Variants in SELENON observed in about 807,000 individuals in gnomAD.
SELENON encodes selenoprotein N, 1.
A neutral mutation model predicts 59.5 loss-of-function variants in SELENON; 44 were observed. That is an observed-to-expected ratio of 0.74 (90% CI 0.58 to 0.95). SELENON has a LOEUF of 0.95. Among genes scored for constraint, SELENON ranks in the 40% least tolerant of loss-of-function variants. SELENON has a pLI of 0.00. For synonymous variants in SELENON, 320 were observed against 305.6 expected (o/e 1.05, Z -0.49); for missense variants, 674 against 721.4 (o/e 0.93, Z 0.75).
chr1:25,805,384 G>A, intron 4 of SELENON, 109 bp downstream of exon 3: 1 of 1,478,692 alleles, frequency 6.8e-7, no homozygotes, highest in Non-Finnish European at 9.4e-7. Context: ...CTAGAGCCAG[G>A]CCCTGGAGGT....
chr1:25,801,284 A>C, intron 2 of SELENON, 124 bp downstream of exon 2: 1 of 776,338 alleles, frequency 1.3e-6, no homozygotes. Context: ...GACTCCTCCC[A>C]GCTCTGACAC....
chr1:25,812,477 A>ACG, intron 9 of SELENON, among the ~76,000 whole-genome samples: 1 of 144,418 alleles, frequency 6.9e-6, no homozygotes, highest in Non-Finnish European at 1.5e-5. Flanking sequence ...ACACACATAC[A>ACG]CACATATACA....
chr1:25,810,868 A>G, intron 7 of SELENON, among the ~76,000 whole-genome samples: 1 of 152,074 alleles, frequency 6.6e-6, no homozygotes, highest in Non-Finnish European at 1.5e-5. Context: ...GGACAGGAGG[A>G]GAGAGGCAGT....
rs1187819725 is a variant in SELENON at position 25,812,628 on chromosome 1, C to T, written c.1282-59C>T. ...ACACTTGCACACACTACAGACTCAGCCCGAGTGGGACCCTGGCCGCTTTGA... is the reference window on the plus strand; with the variant it reads ...ACACTTGCACACACTACAGACTCAGTCCGAGTGGGACCCTGGCCGCTTTGA... On this transcript the variant is annotated intron_variant, in intron 9 of 12. Transcript: ENST00000361547. The T allele has an allele frequency of 3.8e-6, 5 of 1,300,634 alleles. No homozygotes were observed. In the East Asian group the frequency reaches 9.9e-5, roughly 26 times the overall value. 80.6% of individuals were successfully genotyped at this position (1,300,634 alleles called of 1,614,324 possible).
At position 25,800,270 on chromosome 1, in the gene SELENON, C is replaced by T. The variant is rs1301449723; in HGVS notation, c.40C>T (p.Pro14Ser). Residue 14 changes from proline (P) to serine (S), a missense_variant, in exon 1 of 13, where the codon CCC (proline) becomes TCC (serine). Coordinates refer to ENST00000361547, the MANE Select transcript of SELENON (RefSeq NM_020451.3). ...GCCGGGCCAACGCGGGCCGCCCAGC[C>T]CCGGCCCCGCCGCGCAGCCTCCCGC... The T allele has an allele frequency of 1.0e-6, 1 of 965,654 alleles. No individual in the cohort carries two copies. The highest frequency in any genetic ancestry group is 6.1e-5 in the Admixed American group (1 of 16,290). 59.8% of individuals were successfully genotyped at this position (965,654 alleles called of 1,614,324 possible). A position where few individuals can be genotyped will look rare whatever the true frequency, so the allele number is the denominator to read the frequency against.
intron 7 of SELENON, among the ~76,000 whole-genome samples, chr1:25,810,912 T>C (rs1189134159): frequency 1.3e-5 from 2 of 152,208 alleles, no homozygotes; most frequent in Non-Finnish European, 2.9e-5. Context: ...CCTGGGCTCA[T>C]GTCTGAGGAC....
At chr1:25,812,030 T>C in intron 9 of SELENON, 151 bp downstream of exon 8, 3 of 833,230 alleles carry the variant, frequency 3.6e-6, no homozygotes, top group Admixed American at 4.5e-5. Flanking sequence ...CAGCGGGGCC[T>C]CCCCGCTGCC....
Position 25,813,990 on chromosome 1 carries a change from G to T in SELENON, c.1497G>T (p.Leu499=). ...CCCTGGTGAAGGAGCTGGAGGAACT[G>T]CAGGTGAGCGGGCAGGTGGCAGGAA... The change falls in exon 11 of 13, where the codon CTG becomes CTT. Residue 499 remains leucine (L), a synonymous_variant. Transcript: ENST00000361547. The T allele has an allele frequency of 6.2e-7, 1 of 1,613,888 alleles. No individual in the cohort carries two copies. Among genetic ancestry groups the T allele is most frequent in the Non-Finnish European group, 8.5e-7 (1 of 1,179,724 alleles).
intron 1 of SELENON, 59 bp from the exon 2 acceptor site, chr1:25,800,984 T>TGGGGACCA: frequency 2.2e-6 from 3 of 1,383,826 alleles, no homozygotes; most frequent in Middle Eastern, 1.8e-4. Flanking sequence ...AACTGCCTGT[T>TGGGGACCA]GGGGACCAGG....
At chr1:25,813,740 C>T (rs1309171283) in intron 10 of SELENON, 141 bp from the exon 10 acceptor site, 1 of 723,362 alleles carries the variant, frequency 1.4e-6, no homozygotes, top group Non-Finnish European at 2.6e-6. Context: ...ATTTATTCAG[C>T]ACCTACTCTA....
intron 6 of SELENON, 112 bp from the exon 6 acceptor site, chr1:25,809,571 C>A: frequency 6.7e-7 from 1 of 1,488,634 alleles, no homozygotes; most frequent in Non-Finnish European, 9.3e-7. Flanking sequence ...ACTGGCCCAT[C>A]CACCTCCACC....
intron 3 of SELENON, among the ~76,000 whole-genome samples, chr1:25,803,818 C>T (rs1196431821): frequency 6.6e-6 from 1 of 151,974 alleles, no homozygotes; most frequent in African/African-American, 2.4e-5. Context: ...CTGTCTCAGC[C>T]TCCAGAGTAG....
At position 25,808,792 on chromosome 1, in the gene SELENON, G is replaced by C. The variant is rs1323334632; in HGVS notation, c.747+3G>C. 6.2e-7 allele frequency: 1 copy of C among 1,613,616 alleles called. No homozygotes were observed. The highest frequency in any genetic ancestry group is 1.1e-5 in the South Asian group (1 of 91,086). ...CACCGCCGCCCAAGGGCAAGGAGGTGAGGACAGCTGGGGTGCGACGTGGGG... is the reference window on the plus strand; with the variant it reads ...CACCGCCGCCCAAGGGCAAGGAGGTCAGGACAGCTGGGGTGCGACGTGGGG... On this transcript the variant is annotated splice_donor_region_variant and intron_variant, in intron 5 of 12. Coordinates refer to ENST00000361547, the MANE Select transcript of SELENON (RefSeq NM_020451.3).
intron 8 of SELENON, 49 bp downstream of exon 7, chr1:25,811,584 C>T (rs747560490): frequency 1.3e-5 from 21 of 1,600,630 alleles, no homozygotes; most frequent in African/African-American, 9.4e-5. Flanking sequence ...TGCAGGGCCC[C>T]GCCCTCCCTC....
At chr1:25,814,206 G>A (rs756551752) in intron 12 of SELENON, 28 bp downstream of exon 11, 5 of 1,599,092 alleles carry the variant, frequency 3.1e-6, no homozygotes, top group Admixed American at 1.7e-5. Flanking sequence ...GACCCCACAG[G>A]GCCCAGGCAC....
rs201582677 is a variant in SELENON at position 25,812,462 on chromosome 1, TAC to T, written c.1282-215_1282-214del. Among the ~76,000 whole-genome samples the T allele has an allele frequency of 0.73, 107,068 of 146,840 alleles. 39,668 individuals are homozygous for T. The highest frequency in any genetic ancestry group is 0.97 in the East Asian group (4,978 of 5,156). ...ACAAACACACACACTAACATATATATACACACACACATACACACATATACAAA... is the reference window on the plus strand; with the variant it reads ...ACAAACACACACACTAACATATATATACACACACATACACACATATACAAA... On this transcript the variant is annotated intron_variant, in intron 9 of 12. Coordinates refer to ENST00000361547, the MANE Select transcript of SELENON (RefSeq NM_020451.3).
chr1:25,800,606 G>T (rs2047852795), intron 1 of SELENON, among the ~76,000 whole-genome samples, 193 bp downstream of exon 1: 1 of 151,580 alleles, frequency 6.6e-6, no homozygotes, highest in Non-Finnish European at 1.5e-5. Context: ...CTGATGGGGG[G>T]AAGGCGAACG....
chr1:25,813,377 A>G (rs997649956), intron 10 of SELENON, among the ~76,000 whole-genome samples: 1 of 152,194 alleles, frequency 6.6e-6, no homozygotes, highest in Non-Finnish European at 1.5e-5. Context: ...CCCTGCCCTC[A>G]AAGGGGGAGA....
intron 1 of SELENON, 115 bp from the exon 2 acceptor site, chr1:25,800,927 TG>T: frequency 1.2e-6 from 1 of 860,184 alleles, no homozygotes; most frequent in Non-Finnish European, 2.0e-6. Context: ...CGGGAGGCAC[TG>T]GGAGAGCTCA....
Sources: gnomAD v4.1 joint callset for allele counts (sites outside exome capture counted in the v4.1 genomes callset) on GRCh38, gnomAD v4.1.1 for gene constraint, MANE v1.5 for transcripts, NCBI Gene and HGNC (gene_info 2026-07-23, HGNC 2026-07-21) for gene names.